Variants in PDILT observed in about 807,000 individuals in gnomAD.
PDILT encodes protein disulfide-isomerase-like protein of the testis.
In PDILT, 43 loss-of-function variants were observed where a neutral mutation model predicts 53.7. That is an observed-to-expected ratio of 0.80 (90% CI 0.63 to 1.03). The LOEUF is 1.03. Ranked by LOEUF, PDILT falls within the 50% of genes least tolerant of loss-of-function variation. The pLI is 0.00. For missense variants in PDILT, 727 were observed against 712.3 expected (o/e 1.02, Z -0.24); for synonymous variants, 282 against 274.2 (o/e 1.03, Z -0.28).
intron 3 of PDILT, among the ~76,000 whole-genome samples, chr16:20,379,808 T>C (rs1247265290): frequency 2.6e-5 from 4 of 152,188 alleles, no homozygotes; most frequent in Non-Finnish European, 5.9e-5. Context: ...ATATGGTGGC[T>C]TCAAGAGAAG....
In PDILT at chr16:20,372,878, A is replaced by C; in HGVS notation, c.842T>G (p.Phe281Cys). 1 of 1,614,064 alleles carries C rather than the reference A, an allele frequency of 6.2e-7. No individual in the cohort carries two copies. The highest frequency in any genetic ancestry group is 8.5e-7 in the Non-Finnish European group (1 of 1,179,962). Residue 281 changes from phenylalanine (F) to cysteine (C), a missense_variant, in exon 7 of 12, where the codon TTT becomes TGT. Phe to Cys is a radical substitution (Grantham distance 205, BLOSUM62 -2). Transcript: ENST00000302451. Reference sequence around the variant, plus strand: ...ATATGACTCGGAGCTTTTGGAGACAAACAGCAGCATGTGACTCATGATGTG... The same window carrying C: ...ATATGACTCGGAGCTTTTGGAGACACACAGCAGCATGTGACTCATGATGTG... ...ELHIMSHMLL[F>C]VSKSSESYGI... is the part of the protein sequence containing the mutation.
chr16:20,362,209 T>C (rs529735155), intron 10 of PDILT, among the ~76,000 whole-genome samples, 195 bp downstream of exon 10: 3 of 152,318 alleles, frequency 2.0e-5, no homozygotes, highest in South Asian at 4.1e-4. Context: ...CTACACCCAA[T>C]GATAGTGAGT....
chr16:20,368,519 G>A (rs866224205), intron 8 of PDILT, among the ~76,000 whole-genome samples: 4 of 152,194 alleles, frequency 2.6e-5, no homozygotes, highest in Non-Finnish European at 4.4e-5. Context: ...ATGGACAAAA[G>A]GCTGTAGAAG....
intron 3 of PDILT, among the ~76,000 whole-genome samples, chr16:20,382,678 G>C (rs1355306837): frequency 6.6e-5 from 10 of 152,224 alleles, no homozygotes. Context: ...ATATGCTACA[G>C]GTATGTGTCA....
At chr16:20,383,365 G>A (rs1189716356) in intron 3 of PDILT, among the ~76,000 whole-genome samples, 4 of 152,142 alleles carry the variant, frequency 2.6e-5, no homozygotes, top group Non-Finnish European at 4.4e-5. Flanking sequence ...TGGTGTCAGC[G>A]AGTCCCCCTT....
chr16:20,391,719 T>C (rs1966608736), intron 2 of PDILT, among the ~76,000 whole-genome samples: 1 of 151,950 alleles, frequency 6.6e-6, no homozygotes, highest in Non-Finnish European at 1.5e-5. Context: ...TCATGCAATG[T>C]ACACGATGAA....
rs572900696 is a variant in PDILT, at chr16:20,369,166, T to C, written c.1116+326A>G. ...TCTACTCTTGGACCAAGTAGATCTT[T>C]CACATTGGAGGTGATAGGAGAAGAA... is the stretch of plus-strand genomic sequence containing the variant. On this transcript the variant is annotated intron_variant, in intron 8 of 11. Transcript: ENST00000302451. 5.3e-5 allele frequency among the ~76,000 whole-genome samples: 8 copies of C among 152,380 alleles called. No homozygotes were observed. The South Asian group carries it at 1.7e-3, about 32-fold the overall frequency.
intron 3 of PDILT, among the ~76,000 whole-genome samples, chr16:20,383,246 A>G (rs1966485667): frequency 6.6e-6 from 1 of 152,136 alleles, no homozygotes; most frequent in South Asian, 2.1e-4. Flanking sequence ...AGGGAAGGTC[A>G]TTGCAGCACC....
At position 20,359,211 on chromosome 16, in the gene PDILT, C is replaced by A; in HGVS notation, c.*108G>T. 6.6e-7 allele frequency: 1 copy of A among 1,512,228 alleles called. No individual in the cohort carries two copies. The highest frequency in any genetic ancestry group is 2.1e-5 in the Admixed American group (1 of 48,058). The allele number at this position is 1,512,228 out of a possible 1,614,324, so 93.7% of individuals were successfully genotyped here. A position where few individuals can be genotyped will look rare whatever the true frequency, so the allele number is the denominator to read the frequency against. The stretch of plus-strand genomic sequence containing the variant: ...GCTTTATTATCCACCCCTACCCCCG[C>A]CCCACCTACCCTACCACAATGATAT... On this transcript the variant is annotated 3_prime_UTR_variant, in exon 12 of 12. Coordinates refer to ENST00000302451, the MANE Select transcript of PDILT (RefSeq NM_174924.2).
chr16:20,394,510 C>G (rs2141619559), intron 2 of PDILT, among the ~76,000 whole-genome samples: 1 of 152,316 alleles, frequency 6.6e-6, no homozygotes, highest in African/African-American at 2.4e-5. Context: ...GGCTATAGGG[C>G]AGTGATCAGG....
intron 5 of PDILT, among the ~76,000 whole-genome samples, chr16:20,373,891 A>G (rs1306769113): frequency 1.3e-5 from 2 of 152,136 alleles, no homozygotes; most frequent in East Asian, 1.9e-4. Context: ...TCTTTGCTCA[A>G]TTAAGCTCTT....
intron 9 of PDILT, among the ~76,000 whole-genome samples, chr16:20,363,662 T>A (rs982040665): frequency 3.3e-5 from 5 of 151,762 alleles, no homozygotes; most frequent in Admixed American, 2.6e-4. Context: ...CAGGTAGGCA[T>A]TAATATAACA....
chr16:20,401,693 C>A (rs1314795740), intron 1 of PDILT, among the ~76,000 whole-genome samples: 1 of 152,216 alleles, frequency 6.6e-6, no homozygotes, highest in Admixed American at 6.5e-5. Context: ...GCCAGTGACC[C>A]TGAGTCAGCT....
rs78539098 is a variant in PDILT at position 20,379,299 on chromosome 16, G to A, written c.410-3098C>T. 2.4e-4 allele frequency among the ~76,000 whole-genome samples: 37 copies of A among 152,078 alleles called. No homozygotes were observed. In the East Asian group the frequency reaches 6.0e-3, roughly 25 times the overall value. ...AGTGATTCTCCTGGCTCAGCCTCCC[G>A]AATAGCTGGGACTACAGGCACGTGC... On this transcript the variant is annotated intron_variant, in intron 3 of 11. Transcript: ENST00000302451.
At chr16:20,370,364 G>C (rs1966286336) in intron 7 of PDILT, among the ~76,000 whole-genome samples, 1 of 152,232 alleles carries the variant, frequency 6.6e-6, no homozygotes, top group African/African-American at 2.4e-5. Context: ...AGGGCAATGT[G>C]ATAGAGAGTA....
At position 20,372,761 on chromosome 16, in the gene PDILT, T is replaced by A. The variant is rs770923229; in HGVS notation, c.918+41A>T. The A allele has an allele frequency of 3.1e-6, 5 of 1,599,704 alleles. No individual in the cohort carries two copies. The Admixed American group carries it at 8.4e-5, about 27-fold the overall frequency. ...CTCAGGGTCTGCAGGTCTTGGATCC[T>A]CATCCAGGAGTCCCAGAGAGCAATG... On this transcript the variant is annotated intron_variant, in intron 7 of 11. Coordinates refer to ENST00000302451, the MANE Select transcript of PDILT (RefSeq NM_174924.2).
In PDILT at chr16:20,372,215, A is replaced by G. The variant is rs573663257; in HGVS notation, c.918+587T>C. ...TTGTAAAGCTCATTGCTTTACATATATATTTTCTAATTCTTACTACAACAG... is the reference window on the plus strand; with the variant it reads ...TTGTAAAGCTCATTGCTTTACATATGTATTTTCTAATTCTTACTACAACAG... On this transcript the variant is annotated intron_variant, in intron 7 of 11. Coordinates refer to ENST00000302451, the MANE Select transcript of PDILT (RefSeq NM_174924.2). Among the ~76,000 whole-genome samples, 5 of 152,360 alleles carry G rather than the reference A, an allele frequency of 3.3e-5. No homozygotes were observed. In the East Asian group the frequency reaches 7.7e-4, roughly 23 times the overall value.
chr16:20,378,440 CCTT>C (rs573302639), intron 3 of PDILT, among the ~76,000 whole-genome samples: 25 of 152,096 alleles, frequency 1.6e-4, no homozygotes, highest in Admixed American at 3.3e-4. Context: ...CTCTTCTTCT[CCTT>C]CTTCTTCTTT....
chr16:20,373,232 A>G (rs1027059244), intron 5 of PDILT, 110 bp from the exon 6 acceptor site: 2 of 904,708 alleles, frequency 2.2e-6, no homozygotes, highest in Non-Finnish European at 3.5e-6. Context: ...GCACTGAGGA[A>G]TGGTATCAGG....
Sources: gnomAD v4.1 joint callset for allele counts (sites outside exome capture counted in the v4.1 genomes callset) on GRCh38, gnomAD v4.1.1 for gene constraint, MANE v1.5 for transcripts, NCBI Gene and HGNC (gene_info 2026-07-23, HGNC 2026-07-21) for gene names.